ZNF423: variants seen among roughly 807,000 people sequenced by gnomAD.
The protein encoded by ZNF423 is zinc finger protein 423, also known as Ebf-associated zinc finger protein.
A neutral mutation model predicts 95.8 loss-of-function variants in ZNF423; 12 were observed. The observed-to-expected ratio is 0.13, with a 90% CI of 0.08 to 0.20. ZNF423 has a LOEUF of 0.20. ZNF423 is among the 10% of genes least tolerant of loss of function. ZNF423 has a pLI of 1.00. For synonymous variants in ZNF423, 749 were observed against 711.9 expected, an observed-to-expected ratio of 1.05 and a Z score of -0.83; for missense variants, 1,316 against 1,737.1, an observed-to-expected ratio of 0.76 and a Z score of 4.31.
intron 2 of ZNF423, among the ~76,000 whole-genome samples, chr16:49,787,609 AACCCAGTTCCCTAGC>A (rs2034336813): frequency 6.6e-6 from 1 of 152,136 alleles, no homozygotes; most frequent in Non-Finnish European, 1.5e-5. Flanking sequence ...AGAACTACAG[AACCCAGTTCCCTAGC>A]ACCAACACCA....
At chr16:49,556,120 C>T (rs990380972) in intron 5 of ZNF423, among the ~76,000 whole-genome samples, 1 of 152,228 alleles carries the variant, frequency 6.6e-6, no homozygotes, top group Non-Finnish European at 1.5e-5. Flanking sequence ...TCACTGGTCT[C>T]TTCCGACCTT....
intron 5 of ZNF423, among the ~76,000 whole-genome samples, chr16:49,580,260 T>G (rs529276279): frequency 6.6e-6 from 1 of 152,230 alleles, no homozygotes; most frequent in East Asian, 1.9e-4. Flanking sequence ...CCCCACACTC[T>G]AGCCCCACAC....
chr16:49,512,732 G>T (rs1048076990), intron 7 of ZNF423, among the ~76,000 whole-genome samples: 1 of 152,166 alleles, frequency 6.6e-6, no homozygotes, highest in East Asian at 1.9e-4. Context: ...ACAACAACCC[G>T]AGGCAGCAGG....
At chr16:49,815,881 A>ATATATATAT (rs1555488161) in intron 1 of ZNF423, among the ~76,000 whole-genome samples, 51 of 47,524 alleles carry the variant, frequency 1.1e-3, no homozygotes, top group Non-Finnish European at 1.2e-3. Context: ...AAAAAAAAAA[A>ATATATATAT]ATATATATAT....
chr16:49,506,825 G>C (rs898881159), intron 7 of ZNF423, among the ~76,000 whole-genome samples: 6 of 151,836 alleles, frequency 4.0e-5, no homozygotes, highest in African/African-American at 1.5e-4. Context: ...GGATGGATGA[G>C]AGGATGGATG....
chr16:49,806,004 C>G (rs985931889), intron 1 of ZNF423, among the ~76,000 whole-genome samples: 1 of 152,254 alleles, frequency 6.6e-6, no homozygotes, highest in Non-Finnish European at 1.5e-5. Flanking sequence ...GCTGCCCTCT[C>G]GTTTAATCCC....
At position 49,690,565 on chromosome 16, in the gene ZNF423, CATG is replaced by C. The variant is rs556548099; in HGVS notation, c.301+40203_301+40205del. 6.6e-5 allele frequency among the ~76,000 whole-genome samples: 10 copies of C among 152,314 alleles called. No homozygotes were observed. The South Asian group carries it at 1.2e-3, about 19-fold the overall frequency. ...AATTCAATTTATCTGCTTTTCTTTT[CATG>C]ATGTGACATCATCTCCCAGGAATTC... On this transcript the variant is annotated intron_variant, in intron 3 of 7. Coordinates refer to ENST00000563137, the MANE Select transcript of ZNF423 (RefSeq NM_001379286.1).
At position 49,626,152 on chromosome 16, in the gene ZNF423, G is replaced by A. The variant is rs1275992299; in HGVS notation, c.3601+18C>T. On this transcript the variant is annotated intron_variant, in intron 5 of 7. Coordinates refer to ENST00000563137, the MANE Select transcript of ZNF423 (RefSeq NM_001379286.1). ...CAAAGAGTAGCTCCAGCATGGCTGG[G>A]AGGAAATGCTCTCTTACCAATCATG... 3 of 1,612,980 alleles carry A rather than the reference G, an allele frequency of 1.9e-6. No individual in the cohort carries two copies. The highest frequency in any genetic ancestry group is 1.7e-4 in the Middle Eastern group (1 of 6,056).
At chr16:49,742,786 C>G (rs1280988326) in intron 2 of ZNF423, among the ~76,000 whole-genome samples, 2 of 152,110 alleles carry the variant, frequency 1.3e-5, no homozygotes, top group South Asian at 2.1e-4. Flanking sequence ...CAAATCACCC[C>G]CCTTGTGGCT....
intron 1 of ZNF423, among the ~76,000 whole-genome samples, chr16:49,846,157 C>T (rs1365532525): frequency 6.6e-6 from 1 of 152,058 alleles, no homozygotes; most frequent in East Asian, 1.9e-4. Flanking sequence ...CAAAAATTAG[C>T]CAGGCCTGGT....
At chr16:49,802,118 G>A (rs1221811408) in intron 1 of ZNF423, among the ~76,000 whole-genome samples, 1 of 152,168 alleles carries the variant, frequency 6.6e-6, no homozygotes, top group Non-Finnish European at 1.5e-5. Flanking sequence ...AAAGTGCTGG[G>A]ATTACAGGAG....
At chr16:49,695,447 C>T (rs1167975352) in intron 3 of ZNF423, among the ~76,000 whole-genome samples, 7 of 152,252 alleles carry the variant, frequency 4.6e-5, no homozygotes, top group Non-Finnish European at 7.3e-5. Flanking sequence ...GCATGCGCCA[C>T]CAAGCCCGGC....
chr16:49,815,876 A>AC (rs1567356061), intron 1 of ZNF423, among the ~76,000 whole-genome samples: 17 of 72,116 alleles, frequency 2.4e-4, no homozygotes, highest in African/African-American at 1.1e-3. Flanking sequence ...CAAACAAAAA[A>AC]AAAAAATATA....
intron 3 of ZNF423, among the ~76,000 whole-genome samples, chr16:49,657,748 C>T (rs572045042): frequency 6.6e-6 from 1 of 152,344 alleles, no homozygotes; most frequent in Admixed American, 6.5e-5. Context: ...CTGGGAGTGC[C>T]TCCTCGCCAC....
At chr16:49,833,642 A>G (rs1348621202) in intron 1 of ZNF423, among the ~76,000 whole-genome samples, 1 of 152,092 alleles carries the variant, frequency 6.6e-6, no homozygotes, top group Non-Finnish European at 1.5e-5. Context: ...GTGAAATGAA[A>G]AGGTTCCCAG....
At chr16:49,655,379 G>A (rs1186020418) in intron 3 of ZNF423, among the ~76,000 whole-genome samples, 3 of 152,098 alleles carry the variant, frequency 2.0e-5, no homozygotes, top group Non-Finnish European at 4.4e-5. Flanking sequence ...CCAGGTCTGC[G>A]AATGACTGAG....
chr16:49,830,064 T>C (rs1204268584), intron 1 of ZNF423, among the ~76,000 whole-genome samples: 1 of 152,144 alleles, frequency 6.6e-6, no homozygotes, highest in Non-Finnish European at 1.5e-5. Context: ...AATAAATTCC[T>C]ACTGAGAACA....
At chr16:49,747,442 C>G (rs1318813322) in intron 2 of ZNF423, among the ~76,000 whole-genome samples, 1 of 151,736 alleles carries the variant, frequency 6.6e-6, no homozygotes, top group Non-Finnish European at 1.5e-5. Flanking sequence ...TTTCCAGAAA[C>G]AAGACATACA....
At chr16:49,725,009 C>T (rs553060075) in intron 3 of ZNF423, among the ~76,000 whole-genome samples, 41 of 152,310 alleles carry the variant, frequency 2.7e-4, no homozygotes, top group Admixed American at 6.5e-4. Flanking sequence ...CAAGCACAGG[C>T]AAGCTGTTCC....
Sources: allele counts gnomAD v4.1 joint callset (sites outside exome capture counted in the v4.1 genomes callset), GRCh38; gene constraint gnomAD v4.1.1; transcripts MANE v1.5; gene names NCBI Gene and HGNC (gene_info 2026-07-23, HGNC 2026-07-21).